The following IARS1 variants were observed in gnomAD, a reference collection of about 807,000 sequenced individuals.
The protein encoded by IARS1 is isoleucine--tRNA ligase, cytoplasmic.
A neutral mutation model predicts 168.2 loss-of-function variants in IARS1; 124 were observed. The observed-to-expected ratio is 0.74, with a 90% CI of 0.64 to 0.86. The LOEUF is 0.86. Among genes scored for constraint, IARS1 ranks in the 40% least tolerant of loss-of-function variants. The probability of loss-of-function intolerance (pLI) is 0.00; values close to 1 mark genes in which losing one functional copy is unlikely to be tolerated. For missense variants in IARS1, 1,452 were observed against 1,515.8 expected (o/e 0.96, Z 0.70); for synonymous variants, 532 against 529.4 (o/e 1.00, Z -0.07).
chr9:92,282,839 C>CACATAT (rs1554730503), intron 6 of IARS1, among the ~76,000 whole-genome samples: 16 of 142,250 alleles, frequency 1.1e-4, no homozygotes, highest in African/African-American at 3.4e-4. Context: ...CATACACACA[C>CACATAT]ATATATATAT....
At chr9:92,277,189 A>G (rs1010138964) in intron 9 of IARS1, among the ~76,000 whole-genome samples, 4 of 152,190 alleles carry the variant, frequency 2.6e-5, no homozygotes. Context: ...TTCAAATAAA[A>G]AATCCCAGCT....
At chr9:92,262,293 G>A (rs1831636940) in intron 17 of IARS1, among the ~76,000 whole-genome samples, 1 of 152,094 alleles carries the variant, frequency 6.6e-6, no homozygotes, top group South Asian at 2.1e-4. Flanking sequence ...AAAAAATAAG[G>A]ATGCACAAAA....
At chr9:92,288,358 G>T in intron 2 of IARS1, 76 bp from the exon 3 acceptor site, 1 of 1,243,832 alleles carries the variant, frequency 8.0e-7, no homozygotes, top group Non-Finnish European at 1.2e-6. Context: ...GATAGCTCTT[G>T]TCATAGTGGA....
intron 33 of IARS1, among the ~76,000 whole-genome samples, chr9:92,220,735 G>T (rs544360802): frequency 2.2e-4 from 34 of 152,334 alleles, no homozygotes; most frequent in South Asian, 1.7e-3. Context: ...GGAGGCCAAG[G>T]TGGGAGGATC....
chr9:92,247,327 T>C (rs1564169614), intron 26 of IARS1, 50 bp downstream of exon 26: 1 of 1,528,852 alleles, frequency 6.5e-7, no homozygotes, highest in Non-Finnish European at 8.9e-7. Flanking sequence ...CTAAAAAGTA[T>C]CCCTCAGACT....
At chr9:92,278,027 T>C (rs1587872347) in intron 8 of IARS1, 104 bp from the exon 9 acceptor site, 1 of 1,173,316 alleles carries the variant, frequency 8.5e-7, no homozygotes, top group Non-Finnish European at 1.3e-6. Context: ...TTCTTAGCCC[T>C]AGCCATTCAT....
At chr9:92,234,628 C>T (rs1260148251) in intron 30 of IARS1, among the ~76,000 whole-genome samples, 1 of 152,182 alleles carries the variant, frequency 6.6e-6, no homozygotes, top group African/African-American at 2.4e-5. Context: ...CCATCCGATT[C>T]CTTCTACAGG....
At chr9:92,234,371 T>G (rs72750426) in intron 30 of IARS1, among the ~76,000 whole-genome samples, 4,658 of 152,280 alleles carry the variant, frequency 0.031, 109 homozygotes, top group South Asian at 0.079. Flanking sequence ...GACAGTAAAT[T>G]GCAAAACATA....
At chr9:92,272,864 CAAAAAA>C (rs869076663) in intron 10 of IARS1, among the ~76,000 whole-genome samples, 7 of 57,038 alleles carry the variant, frequency 1.2e-4, no homozygotes, top group African/African-American at 4.4e-4. Flanking sequence ...CAAAACAAAA[CAAAAAA>C]AAAAAAAAAA....
chr9:92,253,581 G>A, intron 20 of IARS1, 128 bp from the exon 21 acceptor site: 1 of 646,344 alleles, frequency 1.5e-6, no homozygotes, highest in East Asian at 2.6e-5. Context: ...AAGGAGAAAA[G>A]AACCAAAATG....
At chr9:92,247,147 T>C (rs1343733573) in intron 26 of IARS1, among the ~76,000 whole-genome samples, 1 of 151,720 alleles carries the variant, frequency 6.6e-6, no homozygotes, top group Non-Finnish European at 1.5e-5. Flanking sequence ...TGAGCCAAGA[T>C]CGCGCCACTG....
intron 33 of IARS1, among the ~76,000 whole-genome samples, chr9:92,214,067 G>A (rs768033522): frequency 3.3e-5 from 5 of 151,864 alleles, no homozygotes; most frequent in Non-Finnish European, 5.9e-5. Flanking sequence ...GATTACACGA[G>A]TGAGCCACCA....
intron 30 of IARS1, among the ~76,000 whole-genome samples, chr9:92,235,984 T>C (rs919188587): frequency 2.6e-5 from 4 of 152,110 alleles, no homozygotes. Context: ...TTTCTATCTT[T>C]TTTTTTTCTT....
At chr9:92,280,105 G>A (rs777516974) in intron 7 of IARS1, among the ~76,000 whole-genome samples, 3 of 152,184 alleles carry the variant, frequency 2.0e-5, no homozygotes, top group Non-Finnish European at 4.4e-5. Flanking sequence ...ATGAACACGG[G>A]TGTACAAGTA....
intron 20 of IARS1, chr9:92,253,771 G>T: frequency 2.0e-6 from 1 of 507,800 alleles, no homozygotes; most frequent in Non-Finnish European, 3.8e-6. Context: ...ACAACTGTAG[G>T]AAGTGCCATT....
At chr9:92,248,343 CATTA>C (rs1829519979) in intron 25 of IARS1, among the ~76,000 whole-genome samples, 1 of 152,072 alleles carries the variant, frequency 6.6e-6, no homozygotes, top group South Asian at 2.1e-4. Context: ...TATTTAGCTA[CATTA>C]ATTAATCTCA....
chr9:92,272,429 G>A (rs1368540125), intron 10 of IARS1, among the ~76,000 whole-genome samples: 8 of 152,204 alleles, frequency 5.3e-5, no homozygotes, highest in African/African-American at 1.7e-4. Context: ...TAAGCTAAGA[G>A]CAGCATTCCT....
At chr9:92,219,322 A>T (rs1398207053) in intron 33 of IARS1, among the ~76,000 whole-genome samples, 1 of 152,136 alleles carries the variant, frequency 6.6e-6, no homozygotes, top group Admixed American at 6.6e-5. Context: ...ACCCTAGAAG[A>T]AAACCTAGGC....
intron 14 of IARS1, among the ~76,000 whole-genome samples, chr9:92,266,885 C>T (rs903668864): frequency 2.0e-5 from 3 of 152,230 alleles, no homozygotes; most frequent in African/African-American, 4.8e-5. Context: ...AAATAAACTA[C>T]TTTTCTTTAT....
Sources: allele counts gnomAD v4.1 joint callset (sites outside exome capture counted in the v4.1 genomes callset), GRCh38; gene constraint gnomAD v4.1.1; transcripts MANE v1.5; gene names NCBI Gene and HGNC (gene_info 2026-07-23, HGNC 2026-07-21).